TWIST2: variants seen among roughly 807,000 people sequenced by gnomAD.
TWIST2 encodes the protein twist family bHLH transcription factor 2.
Under a neutral mutation model 11.6 loss-of-function variants are expected in TWIST2, and 1 was observed. The ratio of observed to expected loss-of-function variants is 0.09; its 90% CI spans 0.03 to 0.41. The LOEUF (loss-of-function observed/expected upper bound fraction) is 0.41. Among genes scored for constraint, TWIST2 ranks in the 10% least tolerant of loss-of-function variants. The probability of loss-of-function intolerance (pLI) is 0.98; values close to 1 mark genes in which losing one functional copy is unlikely to be tolerated. For synonymous variants in TWIST2, 87 were observed against 96.6 expected (o/e 0.90, Z 0.58); for missense variants, 168 against 226.4 (o/e 0.74, Z 1.66).
intron 1 of TWIST2, among the ~76,000 whole-genome samples, chr2:238,886,074 T>G (rs1367756540): frequency 7.0e-6 from 1 of 143,170 alleles, no homozygotes; most frequent in Non-Finnish European, 1.5e-5. Flanking sequence ...CCAGCCTGGG[T>G]GACAGAGTGA....
intron 1 of TWIST2, among the ~76,000 whole-genome samples, chr2:238,906,613 C>G (rs1170168557): frequency 6.6e-6 from 1 of 152,048 alleles, no homozygotes; most frequent in Middle Eastern, 3.2e-3. Context: ...TCTGGACATT[C>G]TTTCATACTC....
chr2:238,858,963 G>A (rs1235129363), intron 1 of TWIST2, among the ~76,000 whole-genome samples: 1 of 152,186 alleles, frequency 6.6e-6, no homozygotes, highest in South Asian at 2.1e-4. Flanking sequence ...TGTAATCTCA[G>A]CACTTTGGGA....
intron 1 of TWIST2, among the ~76,000 whole-genome samples, chr2:238,851,116 C>T (rs1692233970): frequency 6.6e-6 from 1 of 152,208 alleles, no homozygotes; most frequent in African/African-American, 2.4e-5. Context: ...CTAGACATTT[C>T]AGTACATTGT....
At chr2:238,870,158 C>A (rs1325531605) in intron 1 of TWIST2, among the ~76,000 whole-genome samples, 1 of 96,362 alleles carries the variant, frequency 1.0e-5, no homozygotes, top group Non-Finnish European at 2.4e-5. Context: ...ACACCACACC[C>A]CACACACACC....
chr2:238,870,545 A>ACACACACCACACACACACAC (rs1692656413), intron 1 of TWIST2, among the ~76,000 whole-genome samples: 1 of 118,792 alleles, frequency 8.4e-6, no homozygotes. Flanking sequence ...TACATACCCC[A>ACACACACCACACACACACAC]CACACCCCAC....
chr2:238,856,931 C>T (rs1039070202), intron 1 of TWIST2, among the ~76,000 whole-genome samples: 3 of 152,190 alleles, frequency 2.0e-5, no homozygotes, highest in Non-Finnish European at 4.4e-5. Context: ...TGTTTGGTCC[C>T]AGGCATCAAC....
chr2:238,872,864 G>A (rs147076708), intron 1 of TWIST2, among the ~76,000 whole-genome samples: 2 of 152,282 alleles, frequency 1.3e-5, no homozygotes, highest in African/African-American at 4.8e-5. Context: ...TATCATGTGG[G>A]GCAGCTGCAG....
chr2:238,905,946 C>CGT (rs1380122728), intron 1 of TWIST2, among the ~76,000 whole-genome samples: 234 of 109,476 alleles, frequency 2.1e-3, no homozygotes, highest in African/African-American at 8.4e-3. Context: ...TGTGTGTGCG[C>CGT]GCGCGTGTGT....
chr2:238,897,684 C>T (rs1215758422), intron 1 of TWIST2, among the ~76,000 whole-genome samples: 3 of 152,220 alleles, frequency 2.0e-5, no homozygotes, highest in Non-Finnish European at 4.4e-5. Context: ...CATTTCCTCC[C>T]CCGCCTCTGG....
chr2:238,869,571 A>C (rs1275875437), intron 1 of TWIST2, among the ~76,000 whole-genome samples: 1 of 152,226 alleles, frequency 6.6e-6, no homozygotes, highest in Non-Finnish European at 1.5e-5. Context: ...AAGATGATAT[A>C]CAAATGGCCA....
chr2:238,858,718 G>C (rs1692374079), intron 1 of TWIST2, among the ~76,000 whole-genome samples: 1 of 152,116 alleles, frequency 6.6e-6, no homozygotes, highest in Non-Finnish European at 1.5e-5. Context: ...AGAATTCTAA[G>C]AGCCAATATA....
At chr2:238,872,770 T>C (rs1300343728) in intron 1 of TWIST2, among the ~76,000 whole-genome samples, 1 of 152,214 alleles carries the variant, frequency 6.6e-6, no homozygotes, top group Non-Finnish European at 1.5e-5. Context: ...ACCAGTGTTG[T>C]TCCCATTCTG....
chr2:238,896,230 C>G (rs958747346), intron 1 of TWIST2, among the ~76,000 whole-genome samples: 1 of 152,292 alleles, frequency 6.6e-6, no homozygotes, highest in South Asian at 2.1e-4. Flanking sequence ...ACCCTGACGG[C>G]GAACGCCCCA....
chr2:238,881,395 TTATTAGTGTC>T (rs1415942675), intron 1 of TWIST2, among the ~76,000 whole-genome samples: 1 of 151,254 alleles, frequency 6.6e-6, no homozygotes, highest in African/African-American at 2.4e-5. Flanking sequence ...TAGTTACTAT[TTATTAGTGTC>T]AGTGTCAGTG....
chr2:238,862,940 G>C (rs988673006), intron 1 of TWIST2, among the ~76,000 whole-genome samples: 1 of 152,170 alleles, frequency 6.6e-6, no homozygotes, highest in Non-Finnish European at 1.5e-5. Context: ...AGATCAAAGT[G>C]TGTGTGTGCA....
In TWIST2 at chr2:238,863,015, GA is replaced by G. The variant is rs1024078801; in HGVS notation, c.*35+14285del. Reference sequence around the variant, plus strand: ...GAATGTCTCTGGACCAAAAGTTGATGAAAGAGCTTCCTTTCCTTCTTATGTT... The same window carrying G: ...GAATGTCTCTGGACCAAAAGTTGATGAAGAGCTTCCTTTCCTTCTTATGTT... On this transcript the variant is annotated intron_variant, in intron 1 of 1. Coordinates refer to ENST00000612363, the MANE Select transcript of TWIST2 (RefSeq NM_001271893.4). This position sits in a 1 kb window ranked among gnomAD's most constrained non-coding sequence, Gnocchi z 4.7. Among the ~76,000 whole-genome samples, 11 of 150,686 alleles carry G rather than the reference GA, an allele frequency of 7.3e-5. No homozygotes were observed. Among genetic ancestry groups the G allele is most frequent in the African/African-American group, 2.4e-4 (10 of 41,218 alleles).
chr2:238,883,172 G>A (rs1692967773), intron 1 of TWIST2, among the ~76,000 whole-genome samples: 1 of 152,156 alleles, frequency 6.6e-6, no homozygotes, highest in African/African-American at 2.4e-5. Context: ...AAGTTCCTTG[G>A]AGGACAGCCG....
intron 1 of TWIST2, among the ~76,000 whole-genome samples, chr2:238,897,784 C>A (rs893054849): frequency 2.6e-5 from 4 of 152,226 alleles, no homozygotes; most frequent in Non-Finnish European, 1.5e-5. Flanking sequence ...CATCCCAGCC[C>A]GGGCTGGCAG....
rs1291573095 is a variant in TWIST2, at chr2:238,848,542, G to C, written c.327G>C (p.Leu109=). 2 of 1,592,412 alleles carry C rather than the reference G, an allele frequency of 1.3e-6. No homozygotes were observed. Among genetic ancestry groups the C allele is most frequent in the Admixed American group, 1.7e-5 (1 of 57,764 alleles). ...DKLSKIQTLK[L]AARYIDFLYQ... ...TGAGCAAGATCCAGACGCTCAAGCTGGCCGCCAGGTACATAGACTTCCTCT... is the reference window on the plus strand; with the variant it reads ...TGAGCAAGATCCAGACGCTCAAGCTCGCCGCCAGGTACATAGACTTCCTCT... The change falls in exon 1 of 2, where the codon CTG becomes CTC. Residue 109 remains leucine, a synonymous_variant. Coordinates refer to ENST00000612363, the MANE Select transcript of TWIST2 (RefSeq NM_001271893.4).
Sources: gnomAD v4.1 joint callset for allele counts (sites outside exome capture counted in the v4.1 genomes callset) on GRCh38, gnomAD v4.1.1 for gene constraint, Gnocchi (gnomAD v3.1) non-coding constraint, MANE v1.5 for transcripts, NCBI Gene and HGNC (gene_info 2026-07-23, HGNC 2026-07-21) for gene names.